Variants in NTMT1 observed in about 807,000 individuals in gnomAD.
NTMT1 encodes the protein N-terminal Xaa-Pro-Lys N-methyltransferase 1.
A neutral mutation model predicts 17.5 loss-of-function variants in NTMT1; 8 were observed. The observed-to-expected ratio is 0.46, with a 90% CI of 0.27 to 0.82. The LOEUF (loss-of-function observed/expected upper bound fraction) is 0.82. Ranked by LOEUF, NTMT1 falls within the 40% of genes least tolerant of loss-of-function variation. The pLI is 0.15. For synonymous variants in NTMT1, 128 were observed against 126.8 expected, an observed-to-expected ratio of 1.01 and a Z score of -0.06; for missense variants, 221 against 303.5, an observed-to-expected ratio of 0.73 and a Z score of 2.02.
chr9:129,624,721 C>G (rs908766112), upstream of NTMT1, among the ~76,000 whole-genome samples: 2 of 152,176 alleles, frequency 1.3e-5, no homozygotes, highest in African/African-American at 4.8e-5. Flanking sequence ...CTTCTGCCTC[C>G]TAGGTTCAGG....
chr9:129,622,259 G>A (rs550090357), upstream of NTMT1, among the ~76,000 whole-genome samples: 106 of 152,252 alleles, frequency 7.0e-4, no homozygotes, highest in African/African-American at 2.1e-3. Context: ...TTGGGAGGCC[G>A]AGGCGGGCGG....
upstream of NTMT1, among the ~76,000 whole-genome samples, chr9:129,623,062 G>A (rs1229324188): frequency 1.3e-5 from 2 of 151,258 alleles, no homozygotes; most frequent in African/African-American, 2.4e-5. Flanking sequence ...AGCCGGGCAC[G>A]GTGGCTCACG....
At chr9:129,621,272 T>C (rs558344339), upstream of NTMT1, among the ~76,000 whole-genome samples, 1 of 152,244 alleles carries the variant, frequency 6.6e-6, no homozygotes, top group South Asian at 2.1e-4. Context: ...CTGTTGAAAA[T>C]ACAGATGACT....
Position 129,620,322 on chromosome 9 carries a change from T to A in NTMT1, c.-55+11144T>A, listed in dbSNP as rs551374227. 4.9e-6 allele frequency: 6 copies of A among 1,235,832 alleles called. No homozygotes were observed. The highest frequency in any genetic ancestry group is 4.3e-5 in the Admixed American group (1 of 23,414). 76.6% of individuals were successfully genotyped at this position (1,235,832 alleles called of 1,614,324 possible). On this transcript the variant is annotated intron_variant, in intron 1 of 3. Coordinates refer to the NTMT1 transcript ENST00000372486. The surrounding 1 kb of genome is among the most constrained non-coding windows in gnomAD (Gnocchi z 5.8). Reference sequence around the variant, plus strand: ...TTCCGCACGGCCCGCCGGGTCGCGGTGAGCAAGGCGGGCAGGCGCGGCGGG... The same window carrying A: ...TTCCGCACGGCCCGCCGGGTCGCGGAGAGCAAGGCGGGCAGGCGCGGCGGG...
intron 1 of NTMT1, among the ~76,000 whole-genome samples, chr9:129,618,686 A>T (rs1245550575): frequency 2.0e-5 from 3 of 151,326 alleles, no homozygotes; most frequent in African/African-American, 7.3e-5. Context: ...TATTTATTTT[A>T]TTTTATTTTA....
chr9:129,615,450 G>C (rs761137585), intron 1 of NTMT1: 2 of 1,527,842 alleles, frequency 1.3e-6, no homozygotes, highest in Non-Finnish European at 1.8e-6. Context: ...TAGAACTTTC[G>C]GGAGTCTCGA....
chr9:129,626,228 T>TCCG lies in NTMT1; in HGVS notation c.-110_-108dup, dbSNP rs1327926561. 2 of 151,978 alleles carry TCCG rather than the reference T, an allele frequency of 1.3e-5. No individual in the cohort carries two copies. Among genetic ancestry groups the TCCG allele is most frequent in the African/African-American group, 2.4e-5 (1 of 41,372 alleles). 9.4% of individuals were successfully genotyped at this position (151,978 alleles called of 1,614,324 possible). Reference sequence around the variant, plus strand: ...GGAGCTGCGGTTGGCTTGTGGCGTCTCCGCCGCCGCCGCCCTCCCTTCCTC... The same window carrying TCCG: ...GGAGCTGCGGTTGGCTTGTGGCGTCTCCGCCGCCGCCGCCGCCCTCCCTTCCTC... On this transcript the variant is annotated 5_prime_UTR_variant, in exon 1 of 4. Coordinates refer to ENST00000372483, the MANE Select transcript of NTMT1 (RefSeq NM_014064.4).
intron 1 of NTMT1, among the ~76,000 whole-genome samples, chr9:129,610,233 GGAGAGGGGAAAGGGGGGA>G (rs1830080927): frequency 2.0e-5 from 1 of 49,556 alleles, no homozygotes; most frequent in Non-Finnish European, 3.5e-5. Flanking sequence ...AAAGGGGGAG[GGAGAGGGGAAAGGGGGGA>G]AGGGGAGGGG....
chr9:129,615,032 C>G (rs1485075898), intron 1 of NTMT1, among the ~76,000 whole-genome samples: 4 of 152,250 alleles, frequency 2.6e-5, no homozygotes, highest in South Asian at 4.1e-4. Context: ...GAGAAAGTTT[C>G]CGCTTCGCGG....
chr9:129,609,358 A>G (rs1345317809), intron 1 of NTMT1, among the ~76,000 whole-genome samples: 1 of 151,790 alleles, frequency 6.6e-6, no homozygotes, highest in Non-Finnish European at 1.5e-5. Context: ...CCTCCCCCCA[A>G]CTAGACCGGG....
At chr9:129,610,000 G>A (rs996861530) in intron 1 of NTMT1, among the ~76,000 whole-genome samples, 4 of 150,308 alleles carry the variant, frequency 2.7e-5, no homozygotes, top group African/African-American at 9.8e-5. Context: ...GTACCGTGTG[G>A]GTGTGGCCCT....
chr9:129,622,480 G>A (rs146304135), upstream of NTMT1, among the ~76,000 whole-genome samples: 1 of 151,948 alleles, frequency 6.6e-6, no homozygotes, highest in Admixed American at 6.6e-5. Context: ...GTGACAAAGC[G>A]AGACTCCATC....
At chr9:129,610,308 C>G (rs1455348684) in intron 1 of NTMT1, among the ~76,000 whole-genome samples, 1 of 149,388 alleles carries the variant, frequency 6.7e-6, no homozygotes, top group African/African-American at 2.5e-5. Flanking sequence ...CCGCCCCCCC[C>G]CCACCGGCGT....
At chr9:129,610,301 C>T (rs1164483592) in intron 1 of NTMT1, among the ~76,000 whole-genome samples, 3 of 68,680 alleles carry the variant, frequency 4.4e-5, no homozygotes, top group Admixed American at 1.8e-4. Flanking sequence ...GCAGGCCCCG[C>T]CCCCCCCCCA....
intron 2 of NTMT1, 107 bp from the exon 3 acceptor site, chr9:129,633,947 C>A: frequency 7.7e-7 from 1 of 1,300,214 alleles, no homozygotes; most frequent in Non-Finnish European, 1.0e-6. Context: ...TCAGCTTGTG[C>A]GGAGTCCTGG....
At chr9:129,611,714 G>A (rs1430368121) in intron 1 of NTMT1, among the ~76,000 whole-genome samples, 1 of 152,040 alleles carries the variant, frequency 6.6e-6, no homozygotes, top group Non-Finnish European at 1.5e-5. Context: ...GTCAACAGAG[G>A]CTTGGTCCCA....
chr9:129,633,810 A>C, intron 2 of NTMT1: 1 of 482,634 alleles, frequency 2.1e-6, no homozygotes, highest in Non-Finnish European at 3.7e-6. Flanking sequence ...TCCAACCTGA[A>C]CAGAATGCAG....
chr9:129,612,251 C>T (rs1830129556), intron 1 of NTMT1: 9 of 1,061,818 alleles, frequency 8.5e-6, no homozygotes, highest in Admixed American at 8.3e-5. Context: ...ACTGGCAGGT[C>T]CCAGCCACCT....
intron 1 of NTMT1, among the ~76,000 whole-genome samples, chr9:129,616,051 C>G (rs1255136029): frequency 6.6e-6 from 1 of 152,110 alleles, no homozygotes; most frequent in Non-Finnish European, 1.5e-5. Flanking sequence ...TCATGCAGTC[C>G]TGGGTTTCAT....
Sources: gnomAD v4.1 joint callset for allele counts (sites outside exome capture counted in the v4.1 genomes callset) on GRCh38, gnomAD v4.1.1 for gene constraint, Gnocchi (gnomAD v3.1) non-coding constraint, MANE v1.5 for transcripts, NCBI Gene and HGNC (gene_info 2026-07-23, HGNC 2026-07-21) for gene names.